Variants in NETO1 observed in about 807,000 individuals in gnomAD.
NETO1 encodes the protein neuropilin and tolloid like 1, also known as neuropilin and tolloid-like protein 1.
A neutral mutation model predicts 61.3 loss-of-function variants in NETO1; 26 were observed. The ratio of observed to expected loss-of-function variants is 0.42; its 90% CI spans 0.31 to 0.59. NETO1 has a LOEUF of 0.59. Among genes scored for constraint, NETO1 ranks in the 20% least tolerant of loss-of-function variants. The probability of loss-of-function intolerance (pLI) is 0.12; values close to 1 mark genes in which losing one functional copy is unlikely to be tolerated. For synonymous variants in NETO1, 225 were observed against 225.8 expected, an observed-to-expected ratio of 1.00 and a Z score of 0.03; for missense variants, 531 against 662.8, an observed-to-expected ratio of 0.80 and a Z score of 2.18.
intron 4 of NETO1, among the ~76,000 whole-genome samples, chr18:72,816,175 T>C (rs2073027898): frequency 6.6e-6 from 1 of 151,356 alleles, no homozygotes; most frequent in Non-Finnish European, 1.5e-5. Context: ...GTGCTGAGAG[T>C]GAGCTGAGTG....
At chr18:72,854,357 T>C (rs1468253861) in intron 4 of NETO1, among the ~76,000 whole-genome samples, 1 of 152,248 alleles carries the variant, frequency 6.6e-6, no homozygotes, top group African/African-American at 2.4e-5. Flanking sequence ...GTGGGATGTG[T>C]GTAACTTTGT....
intron 4 of NETO1, among the ~76,000 whole-genome samples, chr18:72,807,847 CTGT>C (rs2072729828): frequency 6.6e-6 from 1 of 152,008 alleles, no homozygotes; most frequent in Non-Finnish European, 1.5e-5. Flanking sequence ...GTTGCTGTTG[CTGT>C]TGTTGTTTCT....
At chr18:72,803,015 T>C (rs2145142555) in intron 4 of NETO1, among the ~76,000 whole-genome samples, 1 of 152,304 alleles carries the variant, frequency 6.6e-6, no homozygotes, top group South Asian at 2.1e-4. Context: ...ATTTTTCTCA[T>C]GGAGCATCAT....
intron 4 of NETO1, among the ~76,000 whole-genome samples, chr18:72,836,381 T>G (rs1170413202): frequency 6.6e-6 from 1 of 152,212 alleles, no homozygotes; most frequent in African/African-American, 2.4e-5. Flanking sequence ...TTATACATTT[T>G]CTTCTTCTCC....
rs73469654 is a variant in NETO1, at chr18:72,775,321, C to T, written c.868+8357G>A. Among the ~76,000 whole-genome samples, 1,007 of 152,278 alleles carry T rather than the reference C, an allele frequency of 6.6e-3. 19 individuals carry two copies. The South Asian group carries it at 0.068, about 10-fold the overall frequency. ...TTCTAATGTGCACTTGCAAGTTAAA[C>T]GTCTGCTGAATTTTTTAGTAAGAAC... On this transcript the variant is annotated intron_variant, in intron 7 of 10. Transcript: ENST00000327305.
intron 4 of NETO1, among the ~76,000 whole-genome samples, chr18:72,820,687 G>A (rs965011014): frequency 6.6e-6 from 1 of 152,198 alleles, no homozygotes; most frequent in African/African-American, 2.4e-5. Flanking sequence ...CCTCTCTAAC[G>A]AGGATGAGCG....
intron 4 of NETO1, chr18:72,853,296 GTATAAACAGAA>G (rs2074312093): frequency 6.6e-6 from 1 of 152,188 alleles, no homozygotes; most frequent in African/African-American, 2.4e-5. Flanking sequence ...TGAGTCAGTA[GTATAAACAGAA>G]CATTCAGGTT....
At chr18:72,866,864 C>A in intron 1 of NETO1, 1 of 894,490 alleles carries the variant, frequency 1.1e-6, no homozygotes, top group South Asian at 5.2e-5. Context: ...GAACAGGGGC[C>A]CGCCGAGCTC....
At position 72,783,704 on chromosome 18, in the gene NETO1, TG is replaced by T; in HGVS notation, c.841del (p.Gln281ArgfsTer58). 1 of 1,614,178 alleles carries T rather than the reference TG, an allele frequency of 6.2e-7. No individual in the cohort carries two copies. Among genetic ancestry groups the T allele is most frequent in the Non-Finnish European group, 8.5e-7 (1 of 1,180,016 alleles). On this transcript the variant is annotated frameshift_variant, in exon 7 of 11. Coordinates refer to ENST00000327305, the MANE Select transcript of NETO1 (RefSeq NM_138966.5). LOFTEE classifies it high-confidence loss of function. ...ADEGSRNSRF[Q>X]MLFTSFQEPP... The stretch of plus-strand genomic sequence containing the variant: ...TTCTTGAAAGGATGTGAAGAGCATC[TG>T]AAATCGGCTGTTTCGACTGCCCTCA...
chr18:72,843,719 G>C (rs2074003514), intron 4 of NETO1, among the ~76,000 whole-genome samples: 1 of 152,142 alleles, frequency 6.6e-6, no homozygotes, highest in Non-Finnish European at 1.5e-5. Context: ...TCAAGCATGG[G>C]ACAAAAGAAA....
At chr18:72,794,664 G>T (rs2072250758) in intron 4 of NETO1, among the ~76,000 whole-genome samples, 1 of 151,894 alleles carries the variant, frequency 6.6e-6, no homozygotes, top group Non-Finnish European at 1.5e-5. Flanking sequence ...TGCCTTTCCT[G>T]CCTCTAATTA....
intron 4 of NETO1, among the ~76,000 whole-genome samples, chr18:72,798,888 G>A (rs777466754): frequency 1.3e-5 from 2 of 152,306 alleles, no homozygotes; most frequent in South Asian, 4.1e-4. Context: ...TGTACAATGT[G>A]TGGTGACCAG....
chr18:72,774,306 A>G (rs1217344453), intron 7 of NETO1, among the ~76,000 whole-genome samples: 2 of 152,246 alleles, frequency 1.3e-5, no homozygotes, highest in Non-Finnish European at 2.9e-5. Context: ...CAGAAAACTT[A>G]GCAGGTGATT....
rs2070434509 is a variant in NETO1, at chr18:72,746,468, A to G, written c.*1711T>C. Among the ~76,000 whole-genome samples the G allele has an allele frequency of 6.6e-6, 1 of 152,148 alleles. No homozygotes were observed. Among genetic ancestry groups the G allele is most frequent in the African/African-American group, 2.4e-5 (1 of 41,450 alleles). The stretch of plus-strand genomic sequence containing the variant: ...TGTTCAAAACCTTTTCTGATTCCCT[A>G]GTTTATCAAATTCATTGAAGTGATT... On this transcript the variant is annotated 3_prime_UTR_variant, in exon 11 of 11. Transcript: ENST00000327305.
At position 72,830,430 on chromosome 18, in the gene NETO1, C is replaced by T. The variant is rs1185159992; in HGVS notation, c.469+28396G>A. Reference sequence around the variant, plus strand: ...TTTCAGAAAAATTTTGTGAGATCACCTTTGCTGGGCGGTGAAAGGGACCAG... The same window carrying T: ...TTTCAGAAAAATTTTGTGAGATCACTTTTGCTGGGCGGTGAAAGGGACCAG... On this transcript the variant is annotated intron_variant, in intron 4 of 10. Coordinates refer to ENST00000327305, the MANE Select transcript of NETO1 (RefSeq NM_138966.5). The surrounding 1 kb of genome is among the most constrained non-coding windows in gnomAD (Gnocchi z 4.9). 6.6e-6 allele frequency among the ~76,000 whole-genome samples: 1 copy of T among 152,094 alleles called. No individual in the cohort carries two copies. The highest frequency in any genetic ancestry group is 2.4e-5 in the African/African-American group (1 of 41,394).
intron 4 of NETO1, among the ~76,000 whole-genome samples, chr18:72,809,644 G>T (rs1301859959): frequency 2.0e-5 from 3 of 152,216 alleles, no homozygotes; most frequent in Non-Finnish European, 4.4e-5. Context: ...TCTCAAATAT[G>T]ATTACTGCTC....
intron 8 of NETO1, among the ~76,000 whole-genome samples, chr18:72,754,630 T>C (rs1488963652): frequency 1.3e-5 from 2 of 152,016 alleles, no homozygotes; most frequent in African/African-American, 4.8e-5. Flanking sequence ...ATATAACAAT[T>C]ACACACATAT....
intron 4 of NETO1, among the ~76,000 whole-genome samples, chr18:72,805,224 G>A (rs72634463): frequency 0.022 from 3,278 of 152,154 alleles, 122 homozygotes; most frequent in East Asian, 0.17. Flanking sequence ...AGAGAATGCA[G>A]ACTTTAGAAT....
intron 4 of NETO1, among the ~76,000 whole-genome samples, chr18:72,813,531 T>A (rs886529045): frequency 1.3e-5 from 2 of 152,164 alleles, no homozygotes; most frequent in African/African-American, 4.8e-5. Flanking sequence ...AAGAACAATG[T>A]TTATCATGTT....
Sources: gnomAD v4.1 joint callset for allele counts (sites outside exome capture counted in the v4.1 genomes callset) on GRCh38, gnomAD v4.1.1 for gene constraint, Gnocchi (gnomAD v3.1) non-coding constraint, MANE v1.5 for transcripts, NCBI Gene and HGNC (gene_info 2026-07-23, HGNC 2026-07-21) for gene names.